Variants in ZNF407 observed in about 807,000 individuals in gnomAD.
ZNF407 encodes the protein zinc finger protein 407.
ZNF407 carries 17 observed loss-of-function variants against 131.2 expected under a neutral mutation model. The ratio of observed to expected loss-of-function variants is 0.13; its 90% CI spans 0.09 to 0.19. ZNF407 has a LOEUF of 0.19. Among genes scored for constraint, ZNF407 ranks in the 10% least tolerant of loss-of-function variants. ZNF407 has a pLI of 1.00. For synonymous variants in ZNF407, 1,156 were observed against 1,062.0 expected (o/e 1.09, Z -1.72); for missense variants, 2,681 against 2,830.6 (o/e 0.95, Z 1.20).
intron 3 of ZNF407, among the ~76,000 whole-genome samples, chr18:74,658,960 A>T (rs1985598216): frequency 6.6e-6 from 1 of 152,174 alleles, no homozygotes; most frequent in African/African-American, 2.4e-5. Context: ...TTGTGTAATT[A>T]AAATCTATTG....
chr18:74,770,677 A>T (rs1969341975), intron 3 of ZNF407, among the ~76,000 whole-genome samples: 1 of 152,126 alleles, frequency 6.6e-6, no homozygotes, highest in Admixed American at 6.6e-5. Flanking sequence ...AAAGCAGTAC[A>T]ACCTTGCTGA....
intron 4 of ZNF407, among the ~76,000 whole-genome samples, chr18:74,847,684 A>G (rs1454789426): frequency 6.6e-6 from 1 of 152,212 alleles, no homozygotes; most frequent in Non-Finnish European, 1.5e-5. Context: ...AAAGTCGACA[A>G]CATGTGTAGT....
At chr18:74,677,901 A>G (rs1966891040) in intron 3 of ZNF407, among the ~76,000 whole-genome samples, 1 of 151,986 alleles carries the variant, frequency 6.6e-6, no homozygotes, top group Non-Finnish European at 1.5e-5. Context: ...GCTCACTGCA[A>G]CCTCTGCCTC....
chr18:74,840,583 T>C (rs1970618518), intron 4 of ZNF407, among the ~76,000 whole-genome samples: 1 of 152,166 alleles, frequency 6.6e-6, no homozygotes, highest in Non-Finnish European at 1.5e-5. Context: ...TCTTGCTTGT[T>C]GCCCATGCTG....
At chr18:74,763,871 G>A (rs528245353) in intron 3 of ZNF407, among the ~76,000 whole-genome samples, 5 of 150,906 alleles carry the variant, frequency 3.3e-5, no homozygotes, top group African/African-American at 4.9e-5. Context: ...TACCACGCCC[G>A]GCTAATTTTT....
Position 75,063,084 on chromosome 18 carries a change from G to T in ZNF407, c.5429-66G>T. 1 of 1,432,528 alleles carries T rather than the reference G, an allele frequency of 7.0e-7. No homozygotes were observed. Among genetic ancestry groups the T allele is most frequent in the Non-Finnish European group, 9.5e-7 (1 of 1,056,780 alleles). The allele number at this position is 1,432,528 out of a possible 1,614,324, so 88.7% of individuals were successfully genotyped here. ...CTGAGGCCTGAGCGCTTCTGCAGAA[G>T]AAGTGTCTTACTTGTAAGCCTACGA... On this transcript the variant is annotated intron_variant, in intron 8 of 8. Coordinates refer to ENST00000299687, the MANE Select transcript of ZNF407 (RefSeq NM_017757.3). This position sits in a 1 kb window ranked among gnomAD's most constrained non-coding sequence, Gnocchi z 6.6.
intron 4 of ZNF407, among the ~76,000 whole-genome samples, chr18:74,813,390 C>T (rs928609741): frequency 3.9e-5 from 6 of 152,172 alleles, no homozygotes; most frequent in African/African-American, 1.4e-4. Context: ...GAGGCACTGT[C>T]AGGTCCATTC....
intron 8 of ZNF407, among the ~76,000 whole-genome samples, chr18:74,971,716 G>A (rs1972474897): frequency 3.3e-5 from 5 of 152,094 alleles, no homozygotes; most frequent in Admixed American, 3.3e-4. Flanking sequence ...GTCTTTTTCT[G>A]AGCTCTTCAA....
At chr18:74,662,459 A>G (rs1309671865) in intron 3 of ZNF407, among the ~76,000 whole-genome samples, 1 of 152,244 alleles carries the variant, frequency 6.6e-6, no homozygotes, top group Non-Finnish European at 1.5e-5. Flanking sequence ...TTAAAAATAC[A>G]ACATTAGGCT....
In ZNF407 at chr18:75,063,760, G is replaced by C. The variant is rs917053154; in HGVS notation, c.6039G>C (p.Arg2013Ser). 1 of 1,611,284 alleles carries C rather than the reference G, an allele frequency of 6.2e-7. No homozygotes were observed. The highest frequency in any genetic ancestry group is 1.3e-5 in the African/African-American group (1 of 74,908). The change falls in exon 9 of 9, where the codon AGG becomes AGC. Residue 2013 changes from arginine to serine, a missense_variant. Physicochemically the swap from Arg to Ser is moderately radical, Grantham distance 110. Transcript: ENST00000299687. This position sits in a 1 kb window ranked among gnomAD's most constrained non-coding sequence, Gnocchi z 6.6. Reference protein sequence around the residue: ...EGRAGLEEQGRPGAKDVLIQL... With the variant: ...EGRAGLEEQGSPGAKDVLIQL... The stretch of plus-strand genomic sequence containing the variant: ...GGGCTGGGCTCGAGGAGCAAGGCAG[G>C]CCCGGCGCCAAAGACGTGCTGATCC...
intron 8 of ZNF407, among the ~76,000 whole-genome samples, chr18:75,036,213 A>C (rs1973306436): frequency 6.6e-6 from 1 of 152,282 alleles, no homozygotes; most frequent in Non-Finnish European, 1.5e-5. Context: ...AGAGCTTTTC[A>C]ACCTTTGCAG....
At chr18:74,982,000 A>G (rs1286312178) in intron 8 of ZNF407, among the ~76,000 whole-genome samples, 3 of 152,182 alleles carry the variant, frequency 2.0e-5, no homozygotes, top group Non-Finnish European at 2.9e-5. Context: ...CACAGCCAAT[A>G]ATTTGAGTGC....
At chr18:74,688,018 G>A (rs1361180114) in intron 3 of ZNF407, among the ~76,000 whole-genome samples, 3 of 152,114 alleles carry the variant, frequency 2.0e-5, no homozygotes, top group Non-Finnish European at 4.4e-5. Context: ...GAACTGACCT[G>A]CACTTTAGTA....
intron 7 of ZNF407, among the ~76,000 whole-genome samples, chr18:74,895,591 G>A (rs1478447896): frequency 3.3e-5 from 5 of 152,082 alleles, no homozygotes; most frequent in African/African-American, 9.7e-5. Context: ...CATTTCTCCT[G>A]AAAGTTGAGT....
intron 8 of ZNF407, among the ~76,000 whole-genome samples, chr18:75,052,926 G>C (rs897656737): frequency 6.6e-6 from 1 of 152,192 alleles, no homozygotes; most frequent in African/African-American, 2.4e-5. Flanking sequence ...TTTCAAACAG[G>C]CTTTTAGTGA....
chr18:74,851,384 A>G (rs544094230), intron 4 of ZNF407, among the ~76,000 whole-genome samples: 2 of 152,324 alleles, frequency 1.3e-5, no homozygotes, highest in Non-Finnish European at 2.9e-5. Flanking sequence ...GATATAAAAC[A>G]TTTATGTGAT....
rs912311979 is a variant in ZNF407, at chr18:74,801,095, A to G, written c.4877+19593A>G. Among the ~76,000 whole-genome samples, 5 of 152,172 alleles carry G rather than the reference A, an allele frequency of 3.3e-5. No individual in the cohort carries two copies. In the South Asian group the frequency reaches 6.2e-4, roughly 19 times the overall value. ...CAGTCCATACTCTTAGTGATATTCT[A>G]TAATTTCTTTTTGGAATACTTGGAA... is the stretch of plus-strand genomic sequence containing the variant. On this transcript the variant is annotated intron_variant, in intron 4 of 8. Coordinates refer to ENST00000299687, the MANE Select transcript of ZNF407 (RefSeq NM_017757.3).
At chr18:74,763,864 C>T (rs1969164763) in intron 3 of ZNF407, among the ~76,000 whole-genome samples, 3 of 151,072 alleles carry the variant, frequency 2.0e-5, no homozygotes, top group Non-Finnish European at 4.4e-5. Flanking sequence ...CGCCCGCTAC[C>T]ACGCCCGGCT....
At chr18:74,768,958 T>C (rs1328651678) in intron 3 of ZNF407, among the ~76,000 whole-genome samples, 5 of 152,196 alleles carry the variant, frequency 3.3e-5, no homozygotes, top group Non-Finnish European at 7.3e-5. Flanking sequence ...TCTGCCATCC[T>C]TCCTCTTGTC....
Sources: gnomAD v4.1 joint callset for allele counts (sites outside exome capture counted in the v4.1 genomes callset) on GRCh38, gnomAD v4.1.1 for gene constraint, Gnocchi (gnomAD v3.1) non-coding constraint, MANE v1.5 for transcripts, NCBI Gene and HGNC (gene_info 2026-07-23, HGNC 2026-07-21) for gene names.